The following SUV39H2 variants were observed in gnomAD, a reference collection of about 807,000 sequenced individuals.
SUV39H2 encodes SUV39H2 histone lysine methyltransferase.
SUV39H2 carries 10 observed loss-of-function variants against 47.5 expected under a neutral mutation model. That is an observed-to-expected ratio of 0.21 (90% confidence interval 0.13 to 0.36). SUV39H2 has a LOEUF of 0.36. Among genes scored for constraint, SUV39H2 ranks in the 10% least tolerant of loss-of-function variants. The pLI, the probability that SUV39H2 is intolerant of heterozygous loss-of-function variation, is 1.00. For missense variants in SUV39H2, 266 were observed against 487.4 expected, an observed-to-expected ratio of 0.55 and a Z score of 4.28; for synonymous variants, 159 against 166.8, an observed-to-expected ratio of 0.95 and a Z score of 0.36.
chr10:14,899,223 G>T, intron 3 of SUV39H2: 1 of 702,104 alleles, frequency 1.4e-6, no homozygotes, highest in South Asian at 1.5e-5. Context: ...AGGAGGCTGA[G>T]GCAGGAAGAT....
At chr10:14,888,941 T>C (rs1473963642) in intron 2 of SUV39H2, among the ~76,000 whole-genome samples, 1 of 152,032 alleles carries the variant, frequency 6.6e-6, no homozygotes, top group Non-Finnish European at 1.5e-5. Context: ...CTGTCTCTAC[T>C]AAAAATACAA....
At chr10:14,898,610 T>A (rs947122669) in intron 3 of SUV39H2, 2 of 152,204 alleles carry the variant, frequency 1.3e-5, no homozygotes, top group African/African-American at 4.8e-5. Flanking sequence ...TTAACCAAAA[T>A]TTTTTAAGTT....
At chr10:14,897,557 A>G (rs1833672596) in intron 3 of SUV39H2, 40 bp downstream of exon 3, 1 of 1,445,672 alleles carries the variant, frequency 6.9e-7, no homozygotes, top group Non-Finnish European at 9.1e-7. Context: ...TGGACATGCA[A>G]GGTTTATACT....
At chr10:14,892,162 G>A (rs1324432826) in intron 2 of SUV39H2, among the ~76,000 whole-genome samples, 1 of 152,184 alleles carries the variant, frequency 6.6e-6, no homozygotes, top group Non-Finnish European at 1.5e-5. Context: ...TTAGGTGGTG[G>A]CTGCCGCCTT....
At chr10:14,899,019 T>C (rs1478268369) in intron 3 of SUV39H2, 5 of 561,416 alleles carry the variant, frequency 8.9e-6, no homozygotes, top group Non-Finnish European at 1.3e-5. Context: ...TCCAATGTAC[T>C]GCTCAAATCC....
At chr10:14,879,269 G>A (rs977556526) in intron 1 of SUV39H2, 13 of 417,520 alleles carry the variant, frequency 3.1e-5, no homozygotes, top group South Asian at 1.1e-4. Context: ...GGTCCGGGGG[G>A]CACGGCTGCG....
intron 5 of SUV39H2, among the ~76,000 whole-genome samples, chr10:14,901,995 TCTTTC>T (rs1308265526): frequency 1.3e-5 from 2 of 152,258 alleles, no homozygotes; most frequent in African/African-American, 4.8e-5. Context: ...ATAAATGTTT[TCTTTC>T]CTTTAAGAAT....
At chr10:14,882,075 G>T (rs1833054273) in intron 2 of SUV39H2, among the ~76,000 whole-genome samples, 1 of 152,170 alleles carries the variant, frequency 6.6e-6, no homozygotes, top group Non-Finnish European at 1.5e-5. Flanking sequence ...ATTTAGTCAG[G>T]TTCTAGGTTA....
At chr10:14,881,987 C>T (rs553373096) in intron 2 of SUV39H2, among the ~76,000 whole-genome samples, 1 of 152,294 alleles carries the variant, frequency 6.6e-6, no homozygotes, top group South Asian at 2.1e-4. Context: ...ATGAACCTAC[C>T]GTTTCAAACC....
At chr10:14,883,704 C>CAAAAAAAAAAAAAAAAAAAAAAAAA (rs58522342) in intron 2 of SUV39H2, among the ~76,000 whole-genome samples, 1 of 50,060 alleles carries the variant, frequency 2.0e-5, no homozygotes, top group African/African-American at 4.7e-5. Flanking sequence ...GACTCAGTCT[C>CAAAAAAAAAAAAAAAAAAAAAAAAA]AAAAAAAAAA....
At chr10:14,900,427 C>T (rs1833922957) in intron 4 of SUV39H2, among the ~76,000 whole-genome samples, 1 of 152,150 alleles carries the variant, frequency 6.6e-6, no homozygotes, top group African/African-American at 2.4e-5. Flanking sequence ...CCATGTTAAA[C>T]TTCTGATGGA....
rs919860514 is a variant in SUV39H2, at chr10:14,898,202, C to CTTTTTTTTTTTTTT, written c.849+700_849+713dup. On this transcript the variant is annotated intron_variant, in intron 3 of 5. Transcript: ENST00000354919. ...AAAACTCAGTGAGGTAGTACTGTTT[C>CTTTTTTTTTTTTTT]TTTTTTTTTTTTTTTTTTTTTTTTT... 1.2e-3 allele frequency: 67 copies of CTTTTTTTTTTTTTT among 56,152 alleles called. 4 individuals carry two copies. Among genetic ancestry groups the CTTTTTTTTTTTTTT allele is most frequent in the African/African-American group, 1.5e-3 (21 of 14,150 alleles). The allele number at this position is 56,152 out of a possible 1,614,324, so 3.5% of individuals were successfully genotyped here.
intron 5 of SUV39H2, among the ~76,000 whole-genome samples, chr10:14,901,887 G>A (rs184472533): frequency 9.2e-5 from 14 of 151,922 alleles, no homozygotes; most frequent in Non-Finnish European, 2.1e-4. Context: ...ATATTCAAAA[G>A]ATTGAAAATA....
chr10:14,881,895 G>C (rs922672660), intron 2 of SUV39H2, among the ~76,000 whole-genome samples: 30 of 152,266 alleles, frequency 2.0e-4, no homozygotes, highest in African/African-American at 5.1e-4. Flanking sequence ...GATTATCTCC[G>C]TGTGGGTTAC....
intron 3 of SUV39H2, chr10:14,898,209 T>G (rs1447743795): frequency 7.3e-6 from 1 of 137,030 alleles, no homozygotes; most frequent in Non-Finnish European, 1.6e-5. Context: ...TTTCTTTTTT[T>G]TTTTTTTTTT....
rs1833682902 is a variant in SUV39H2, at chr10:14,897,699, A to G, written c.849+182A>G. On this transcript the variant is annotated intron_variant, in intron 3 of 5. Transcript: ENST00000354919. ...GCATATTTAGAAATAAAAAACTTTT[A>G]TATGAATAAAAAATATACGTTAAAA... The G allele has an allele frequency of 1.6e-5, 7 of 445,046 alleles. No homozygotes were observed. In the East Asian group the frequency reaches 2.2e-4, roughly 14 times the overall value. The allele number at this position is 445,046 out of a possible 1,614,324, so 27.6% of individuals were successfully genotyped here. A position where few individuals can be genotyped will look rare whatever the true frequency, so the allele number is the denominator to read the frequency against.
At chr10:14,887,490 C>G (rs1833250068) in intron 2 of SUV39H2, among the ~76,000 whole-genome samples, 1 of 152,148 alleles carries the variant, frequency 6.6e-6, no homozygotes, top group African/African-American at 2.4e-5. Flanking sequence ...TCAAAATGTA[C>G]TTTCTTGAAG....
chr10:14,901,287 T>G (rs762872216), intron 5 of SUV39H2, 25 bp downstream of exon 5: 2 of 1,612,582 alleles, frequency 1.2e-6, no homozygotes, highest in African/African-American at 1.3e-5. Context: ...TACAGTTTCA[T>G]TGGTGTCAGT....
chr10:14,902,609 AC>A lies in SUV39H2; in HGVS notation c.*99del. ...TTGGGACTCTTATTATCAAGGTTCT[AC>A]CTATGTTAATTTACAATTCATGTTT... On this transcript the variant is annotated 3_prime_UTR_variant, in exon 6 of 6. Transcript: ENST00000354919. 1.4e-6 allele frequency: 1 copy of A among 739,690 alleles called. No individual in the cohort carries two copies. Among genetic ancestry groups the A allele is most frequent in the Admixed American group, 3.5e-5 (1 of 28,608 alleles). 45.8% of individuals were successfully genotyped at this position (739,690 alleles called of 1,614,324 possible). A position where few individuals can be genotyped will look rare whatever the true frequency, so the allele number is the denominator to read the frequency against.
Sources: allele counts gnomAD v4.1 joint callset (sites outside exome capture counted in the v4.1 genomes callset), GRCh38; gene constraint gnomAD v4.1.1; transcripts MANE v1.5; gene names NCBI Gene and HGNC (gene_info 2026-07-23, HGNC 2026-07-21).